P2RY8: variants seen among roughly 807,000 people sequenced by gnomAD.
The protein encoded by P2RY8 is P2Y receptor family member 8.
Under a neutral mutation model 10.0 loss-of-function variants are expected in P2RY8, and 6 were observed. The ratio of observed to expected loss-of-function variants is 0.60; its 90% CI spans 0.33 to 1.19. The LOEUF is 1.19. Ranked by LOEUF, P2RY8 falls within the 50% of genes most tolerant of loss-of-function variation. P2RY8 has a pLI of 0.04. For missense variants in P2RY8, 456 were observed against 542.0 expected (o/e 0.84, Z 1.58); for synonymous variants, 276 against 252.5 (o/e 1.09, Z -0.88).
At chrX:1,478,125 T>C (rs1223355752) in intron 1 of P2RY8, among the ~76,000 whole-genome samples, 2 of 152,028 alleles carry the variant, frequency 1.3e-5, no homozygotes, top group East Asian at 1.9e-4. Context: ...CCAGAAGCAA[T>C]AACAAAGAGA....
chrX:1,469,565 T>C (rs1312957825), intron 1 of P2RY8, among the ~76,000 whole-genome samples: 1 of 152,000 alleles, frequency 6.6e-6, no homozygotes, highest in African/African-American at 2.4e-5. Context: ...TCTGTGTGTA[T>C]CTCCTCCAGC....
At chrX:1,534,149 T>G (rs1251541622) in intron 1 of P2RY8, among the ~76,000 whole-genome samples, 1 of 135,886 alleles carries the variant, frequency 7.4e-6, no homozygotes, top group African/African-American at 2.8e-5. Flanking sequence ...TTTACATATA[T>G]ATTTATATAC....
In P2RY8 at chrX:1,537,142, C is replaced by T. The variant is rs753351482; in HGVS notation, c.-246G>A. 12 of 232,722 alleles carry T rather than the reference C, an allele frequency of 5.2e-5. No homozygotes were observed. Among genetic ancestry groups the T allele is most frequent in the Admixed American group, 2.3e-4 (4 of 17,774 alleles). 14.4% of individuals were successfully genotyped at this position (232,722 alleles called of 1,614,324 possible). ...TGTCCAGCAACCTTGCAAAGGCGGC[C>T]GCTTCGCTGGGTGGCCCACCGGCTG... On this transcript the variant is annotated 5_prime_UTR_variant, in exon 1 of 2. Transcript: ENST00000381297.
intron 1 of P2RY8, among the ~76,000 whole-genome samples, chrX:1,510,917 G>A (rs1351335397): frequency 2.7e-5 from 4 of 150,186 alleles, no homozygotes; most frequent in Non-Finnish European, 5.9e-5. Flanking sequence ...AGTGGCTCCC[G>A]CCTGTAATCC....
Position 1,476,306 on chromosome X carries a change from G to T in P2RY8, c.-24-9724C>A, listed in dbSNP as rs372639925. Reference sequence around the variant, plus strand: ...AAATATAATGGGTCGGCTGGGCACGGTGGCTCATGTCTGTAATCCCAGCAC... The same window carrying T: ...AAATATAATGGGTCGGCTGGGCACGTTGGCTCATGTCTGTAATCCCAGCAC... On this transcript the variant is annotated intron_variant, in intron 1 of 1. Coordinates refer to ENST00000381297, the MANE Select transcript of P2RY8 (RefSeq NM_178129.5). Among the ~76,000 whole-genome samples, 12 of 152,220 alleles carry T rather than the reference G, an allele frequency of 7.9e-5. No homozygotes were observed. The South Asian group carries it at 2.5e-3, about 32-fold the overall frequency.
intron 1 of P2RY8, among the ~76,000 whole-genome samples, chrX:1,507,247 G>C (rs1271246634): frequency 6.6e-6 from 1 of 152,064 alleles, no homozygotes; most frequent in Admixed American, 6.6e-5. Flanking sequence ...CATGATCAGG[G>C]CAGGCGTCCT....
At chrX:1,510,864 G>A (rs1215202378) in intron 1 of P2RY8, among the ~76,000 whole-genome samples, 1 of 151,616 alleles carries the variant, frequency 6.6e-6, no homozygotes, top group East Asian at 1.9e-4. Flanking sequence ...GGGCAACAGA[G>A]TGTGACTCCG....
At chrX:1,474,301 G>A (rs777152481) in intron 1 of P2RY8, among the ~76,000 whole-genome samples, 48 of 150,210 alleles carry the variant, frequency 3.2e-4, no homozygotes, top group African/African-American at 1.2e-3. Flanking sequence ...ATGGGTGGAT[G>A]GATAGATGGG....
At chrX:1,503,644 C>G (rs1309842086) in intron 1 of P2RY8, among the ~76,000 whole-genome samples, 1 of 152,104 alleles carries the variant, frequency 6.6e-6, no homozygotes, top group Admixed American at 6.6e-5. Flanking sequence ...CCTGTAATCC[C>G]AGCACTTTGG....
At chrX:1,527,290 T>C (rs2092445655) in intron 1 of P2RY8, among the ~76,000 whole-genome samples, 1 of 151,678 alleles carries the variant, frequency 6.6e-6, no homozygotes, top group Admixed American at 6.6e-5. Context: ...TTCATCCACT[T>C]ATTCATTCCT....
At chrX:1,524,680 TCCATCCATCCATCCATCCATCCATCCAC>T (rs1231483095) in intron 1 of P2RY8, among the ~76,000 whole-genome samples, 83 of 118,050 alleles carry the variant, frequency 7.0e-4, no homozygotes, top group South Asian at 1.5e-3. Flanking sequence ...CATCCATCCA[TCCATCCATCCATCCATCCATCCATCCAC>T]TCATCCATTC....
intron 1 of P2RY8, among the ~76,000 whole-genome samples, chrX:1,526,680 T>TC (rs2092442489): frequency 4.6e-5 from 7 of 151,324 alleles, no homozygotes; most frequent in Non-Finnish European, 4.4e-5. Context: ...TATTCAGCAT[T>TC]CATCCATCCA....
At chrX:1,494,869 A>ATTTTTT (rs59572174) in intron 1 of P2RY8, among the ~76,000 whole-genome samples, 2 of 143,892 alleles carry the variant, frequency 1.4e-5, no homozygotes, top group Non-Finnish European at 1.5e-5. Flanking sequence ...CACCTGGCTA[A>ATTTTTT]TTTTTTTTTT....
chrX:1,535,398 G>A (rs1239892585), intron 1 of P2RY8, among the ~76,000 whole-genome samples: 1 of 151,554 alleles, frequency 6.6e-6, no homozygotes, highest in African/African-American at 2.4e-5. Flanking sequence ...ATGTTGGCCA[G>A]GCTGGTCTCA....
intron 1 of P2RY8, among the ~76,000 whole-genome samples, chrX:1,512,374 C>T (rs548527062): frequency 2.0e-5 from 3 of 151,984 alleles, no homozygotes; most frequent in African/African-American, 7.2e-5. Context: ...TGGTGAAACC[C>T]CATCTCTACT....
intron 1 of P2RY8, among the ~76,000 whole-genome samples, chrX:1,480,937 C>T (rs73628512): frequency 0.052 from 7,951 of 151,924 alleles, 648 homozygotes; most frequent in African/African-American, 0.18. Context: ...CATGGGCCAC[C>T]TCACGAAAGA....
chrX:1,524,784 CTCAT>C (rs2092427232), intron 1 of P2RY8, among the ~76,000 whole-genome samples: 1 of 50,890 alleles, frequency 2.0e-5, no homozygotes, highest in African/African-American at 7.0e-5. Flanking sequence ...CATCCATCCA[CTCAT>C]CCATTCATCC....
chrX:1,476,559 C>G (rs1462191119), intron 1 of P2RY8, among the ~76,000 whole-genome samples: 1 of 151,114 alleles, frequency 6.6e-6, no homozygotes, highest in Non-Finnish European at 1.5e-5. Flanking sequence ...TGCACTCCAG[C>G]CTGGGTGACA....
At chrX:1,536,836 C>T (rs2092530714) in intron 1 of P2RY8, 85 bp downstream of exon 1, 1 of 202,552 alleles carries the variant, frequency 4.9e-6, no homozygotes, top group Middle Eastern at 1.6e-3. Context: ...CCCCCATGTT[C>T]TCACCGTACA....
Sources: gnomAD v4.1 joint callset for allele counts (sites outside exome capture counted in the v4.1 genomes callset) on GRCh38, gnomAD v4.1.1 for gene constraint, MANE v1.5 for transcripts, NCBI Gene and HGNC (gene_info 2026-07-23, HGNC 2026-07-21) for gene names.